The following BAG4 variants were observed in gnomAD, a reference collection of about 807,000 sequenced individuals.
The protein encoded by BAG4 is BAG family molecular chaperone regulator 4.
In BAG4, 28 loss-of-function variants were observed where a neutral mutation model predicts 52.1. The ratio of observed to expected loss-of-function variants is 0.54; its 90% CI spans 0.40 to 0.74. BAG4 has a LOEUF of 0.74. BAG4 is among the 30% of genes least tolerant of loss of function. The pLI, the probability that BAG4 is intolerant of heterozygous loss-of-function variation, is 0.00. For synonymous variants in BAG4, 208 were observed against 217.0 expected, an observed-to-expected ratio of 0.96 and a Z score of 0.37; for missense variants, 525 against 572.0, an observed-to-expected ratio of 0.92 and a Z score of 0.84.
rs1803870517 is a variant in BAG4 at position 38,211,611 on chromosome 8, A to G, written c.*1118A>G. 6.6e-6 allele frequency: 1 copy of G among 152,084 alleles called. No individual in the cohort carries two copies. Among genetic ancestry groups the G allele is most frequent in the South Asian group, 2.1e-4 (1 of 4,832 alleles). The allele number at this position is 152,084 out of a possible 1,614,324, so 9.4% of individuals were successfully genotyped here. Reference sequence around the variant, plus strand: ...AAACAATGAGGGTAAAATGGGATTCATGCTCAGGGAATGAATCAGCCATAG... The same window carrying G: ...AAACAATGAGGGTAAAATGGGATTCGTGCTCAGGGAATGAATCAGCCATAG... On this transcript the variant is annotated 3_prime_UTR_variant, in exon 5 of 5. Transcript: ENST00000287322.
chr8:38,187,492 G>C (rs1175046446), intron 1 of BAG4, among the ~76,000 whole-genome samples: 1 of 152,046 alleles, frequency 6.6e-6, no homozygotes, highest in Admixed American at 6.6e-5. Context: ...TTAATAACAA[G>C]GTTAATATAA....
intron 1 of BAG4, among the ~76,000 whole-genome samples, chr8:38,181,031 C>G (rs965533447): frequency 1.3e-5 from 2 of 151,242 alleles, no homozygotes; most frequent in Non-Finnish European, 2.9e-5. Flanking sequence ...AGCTCCGCCT[C>G]TTGGGTTCAC....
In BAG4 at chr8:38,210,608, T is replaced by A; in HGVS notation, c.*115T>A. 7.7e-7 allele frequency: 1 copy of A among 1,306,368 alleles called. No homozygotes were observed. Among genetic ancestry groups the A allele is most frequent in the African/African-American group, 1.5e-5 (1 of 66,836 alleles). 80.9% of individuals were successfully genotyped at this position (1,306,368 alleles called of 1,614,324 possible). On this transcript the variant is annotated 3_prime_UTR_variant, in exon 5 of 5. Coordinates refer to ENST00000287322, the MANE Select transcript of BAG4 (RefSeq NM_004874.4). ...ATGACAAGAAGCAATACATTCCAGC[T>A]TTCCTTTGATTTTATACTTGAAAAA...
chr8:38,188,103 G>GA (rs972613617), intron 1 of BAG4, among the ~76,000 whole-genome samples: 6 of 133,580 alleles, frequency 4.5e-5, no homozygotes, highest in Non-Finnish European at 9.8e-5. Flanking sequence ...AACTGCTAAA[G>GA]AAAAAAAAAG....
intron 2 of BAG4, among the ~76,000 whole-genome samples, chr8:38,198,123 T>C (rs1008773377): frequency 6.6e-6 from 1 of 151,864 alleles, no homozygotes; most frequent in Non-Finnish European, 1.5e-5. Context: ...GGTGGCTCAC[T>C]CCTGTAATCC....
In BAG4 at chr8:38,176,859, CA is replaced by C. The variant is rs1238796251; in HGVS notation, c.-10del. The C allele has an allele frequency of 6.7e-7, 1 of 1,494,364 alleles. No individual in the cohort carries two copies. Among genetic ancestry groups the C allele is most frequent in the Non-Finnish European group, 8.9e-7 (1 of 1,120,388 alleles). The allele number at this position is 1,494,364 out of a possible 1,614,324, so 92.6% of individuals were successfully genotyped here. A position where few individuals can be genotyped will look rare whatever the true frequency, so the allele number is the denominator to read the frequency against. ...GAGCGGGGCGGGAAGCGCTTCAGGG[CA>C]GCGGATCCCATGTCGGCCCTGAGGC... On this transcript the variant is annotated 5_prime_UTR_variant, in exon 1 of 5. Coordinates refer to ENST00000287322, the MANE Select transcript of BAG4 (RefSeq NM_004874.4).
chr8:38,208,035 G>A (rs1350046490), intron 3 of BAG4, among the ~76,000 whole-genome samples: 1 of 134,688 alleles, frequency 7.4e-6, no homozygotes, highest in Admixed American at 7.6e-5. Context: ...TTTTTTTTGT[G>A]GCGTGATCTT....
chr8:38,201,834 T>TTTTA (rs1803666307), intron 2 of BAG4: 2 of 45,140 alleles, frequency 4.4e-5, no homozygotes, highest in South Asian at 1.5e-3. Context: ...AGTGTGGAAT[T>TTTTA]TATATATATA....
chr8:38,202,965 TTTC>T (rs1803706327), intron 2 of BAG4: 1 of 152,196 alleles, frequency 6.6e-6, no homozygotes, highest in Non-Finnish European at 1.5e-5. Context: ...ACTCCTGTAT[TTTC>T]TTTGCTGTGC....
At chr8:38,193,824 C>T (rs775392202) in intron 2 of BAG4, among the ~76,000 whole-genome samples, 12 of 151,780 alleles carry the variant, frequency 7.9e-5, no homozygotes, top group Non-Finnish European at 1.2e-4. Flanking sequence ...TTGCAGCCTC[C>T]GCCTCCTGGG....
chr8:38,197,654 T>G (rs969033598), intron 2 of BAG4, among the ~76,000 whole-genome samples: 4 of 152,190 alleles, frequency 2.6e-5, no homozygotes, highest in Non-Finnish European at 5.9e-5. Context: ...TAACAATTCT[T>G]TCTTCAATAA....
At position 38,199,413 on chromosome 8, in the gene BAG4, A is replaced by C. The variant is rs144123048; in HGVS notation, c.378+6618A>C. ...TGTCCTTTGAAACACAAAAGCTTTTAATTTTGATCAAGTGCAATTTTTTTG... is the reference window on the plus strand; with the variant it reads ...TGTCCTTTGAAACACAAAAGCTTTTCATTTTGATCAAGTGCAATTTTTTTG... On this transcript the variant is annotated intron_variant, in intron 2 of 4. Coordinates refer to ENST00000287322, the MANE Select transcript of BAG4 (RefSeq NM_004874.4). Among the ~76,000 whole-genome samples, 414 of 152,176 alleles carry C rather than the reference A, an allele frequency of 2.7e-3. 2 individuals carry two copies. The highest frequency in any genetic ancestry group is 9.5e-3 in the African/African-American group (394 of 41,528).
chr8:38,201,759 TAAA>T (rs1803664444), intron 2 of BAG4: 1 of 147,712 alleles, frequency 6.8e-6, no homozygotes, highest in Non-Finnish European at 1.5e-5. Flanking sequence ...TTATAAATCT[TAAA>T]AATTCTCATT....
chr8:38,182,765 T>C (rs1803292326), intron 1 of BAG4, among the ~76,000 whole-genome samples: 1 of 152,178 alleles, frequency 6.6e-6, no homozygotes, highest in Non-Finnish European at 1.5e-5. Flanking sequence ...ACTTTCACTG[T>C]TACTAGGGAT....
intron 1 of BAG4, 66 bp from the exon 2 acceptor site, chr8:38,192,622 A>G (rs1044869844): frequency 4.1e-5 from 53 of 1,296,814 alleles, no homozygotes; most frequent in Non-Finnish European, 4.9e-5. Context: ...ACCTGCCTCT[A>G]TCAATCTATC....
At chr8:38,195,530 A>G (rs1283446976) in intron 2 of BAG4, among the ~76,000 whole-genome samples, 1 of 152,096 alleles carries the variant, frequency 6.6e-6, no homozygotes, top group African/African-American at 2.4e-5. Context: ...GCCTCAAGCT[A>G]TCCTCCCAAA....
chr8:38,207,809 T>C, intron 3 of BAG4, 43 bp downstream of exon 3: 1 of 1,606,196 alleles, frequency 6.2e-7, no homozygotes, highest in Non-Finnish European at 8.5e-7. Context: ...TCAAAGTCTC[T>C]GCCTCTTGTA....
intron 1 of BAG4, among the ~76,000 whole-genome samples, chr8:38,181,398 T>G (rs114604275): frequency 0.016 from 2,421 of 151,976 alleles, 63 homozygotes; most frequent in African/African-American, 0.056. Context: ...CATGCCCGAC[T>G]ACTTTTGTAT....
chr8:38,181,829 C>G (rs1225686768), intron 1 of BAG4, among the ~76,000 whole-genome samples: 1 of 130,758 alleles, frequency 7.6e-6, no homozygotes, highest in Non-Finnish European at 1.6e-5. Context: ...AGGCGGTGGT[C>G]GCAGTGACCG....
Sources: allele counts gnomAD v4.1 joint callset (sites outside exome capture counted in the v4.1 genomes callset), GRCh38; gene constraint gnomAD v4.1.1; transcripts MANE v1.5; gene names NCBI Gene and HGNC (gene_info 2026-07-23, HGNC 2026-07-21).